Variants in SF3B3 observed in about 807,000 individuals in gnomAD.
SF3B3 encodes the protein splicing factor 3b subunit 3.
Under a neutral mutation model 139.2 loss-of-function variants are expected in SF3B3, and 33 were observed. That is an observed-to-expected ratio of 0.24 (90% confidence interval 0.18 to 0.32). The LOEUF (loss-of-function observed/expected upper bound fraction) is 0.32. Among genes scored for constraint, SF3B3 ranks in the 10% least tolerant of loss-of-function variants. SF3B3 has a pLI of 1.00. For missense variants in SF3B3, 818 were observed against 1,509.4 expected (o/e 0.54, Z 7.59); for synonymous variants, 596 against 563.6 (o/e 1.06, Z -0.81).
rs762717205 is a variant in SF3B3 at position 70,541,622 on chromosome 16, G to A, written c.1068-47G>A. 13 of 1,501,732 alleles carry A rather than the reference G, an allele frequency of 8.7e-6. No homozygotes were observed. In the South Asian group the frequency reaches 1.3e-4, roughly 15 times the overall value. The allele number at this position is 1,501,732 out of a possible 1,614,324, so 93.0% of individuals were successfully genotyped here. On this transcript the variant is annotated intron_variant, in intron 8 of 25. Transcript: ENST00000302516. ...ATGTTGATGCCAGACATTATCGTCA[G>A]GCAGAGAACTCGTTACCGAAAGTTT...
At chr16:70,554,274 G>C (rs1028495139) in intron 11 of SF3B3, 172 bp from the exon 12 acceptor site, 1 of 577,694 alleles carries the variant, frequency 1.7e-6, no homozygotes, top group Non-Finnish European at 3.1e-6. Flanking sequence ...CTGACCCCTA[G>C]TTTTCTTCTG....
intron 9 of SF3B3, among the ~76,000 whole-genome samples, chr16:70,542,588 G>A (rs538478712): frequency 1.8e-4 from 28 of 152,226 alleles, no homozygotes; most frequent in African/African-American, 6.0e-4. Flanking sequence ...ACTGGGTACT[G>A]GGGAAACAAG....
intron 18 of SF3B3, among the ~76,000 whole-genome samples, chr16:70,564,401 T>G (rs1173474610): frequency 6.6e-6 from 1 of 152,188 alleles, no homozygotes; most frequent in African/African-American, 2.4e-5. Flanking sequence ...TGTTAGTATA[T>G]TCTTTGTTTT....
chr16:70,552,984 C>T (rs896171004), intron 11 of SF3B3, among the ~76,000 whole-genome samples: 6 of 152,196 alleles, frequency 3.9e-5, no homozygotes, highest in Non-Finnish European at 1.5e-5. Flanking sequence ...GATCTCGGCT[C>T]ACTGCGGCCT....
chr16:70,538,036 C>T (rs1234957001), intron 6 of SF3B3: 1 of 601,184 alleles, frequency 1.7e-6, no homozygotes. Context: ...TAAAAAATTT[C>T]ATGTCTCTTC....
At chr16:70,538,489 G>T in intron 7 of SF3B3, 29 bp downstream of exon 7, 3 of 1,580,888 alleles carry the variant, frequency 1.9e-6, no homozygotes, top group Non-Finnish European at 2.6e-6. Flanking sequence ...GACCAGTATA[G>T]CTACTCTATG....
chr16:70,568,782 A>G (rs2050501182), intron 22 of SF3B3, among the ~76,000 whole-genome samples: 1 of 152,166 alleles, frequency 6.6e-6, no homozygotes. Flanking sequence ...GAACTTTGGA[A>G]TGTCTGTTAT....
chr16:70,525,559 G>A (rs2050053933), intron 1 of SF3B3, among the ~76,000 whole-genome samples: 1 of 152,172 alleles, frequency 6.6e-6, no homozygotes, highest in African/African-American at 2.4e-5. Flanking sequence ...GGATTCAGAA[G>A]CAGCTCCTAG....
In SF3B3 at chr16:70,568,498, G is replaced by A. The variant is rs1229019304; in HGVS notation, c.3165+3G>A. On this transcript the variant is annotated splice_donor_region_variant and intron_variant, in intron 22 of 25. Coordinates refer to ENST00000302516, the MANE Select transcript of SF3B3 (RefSeq NM_012426.5). The stretch of plus-strand genomic sequence containing the variant: ...ACAAGTTTGGCAACATATGTGTGGT[G>A]AGTTGATGTTGTTAACTTGGGTTAC... 3.1e-6 allele frequency: 5 copies of A among 1,611,014 alleles called. No individual in the cohort carries two copies. The highest frequency in any genetic ancestry group is 3.4e-6 in the Non-Finnish European group (4 of 1,177,940).
At chr16:70,561,042 A>T (rs751277529) in intron 16 of SF3B3, among the ~76,000 whole-genome samples, 16 of 151,252 alleles carry the variant, frequency 1.1e-4, no homozygotes, top group Non-Finnish European at 1.0e-4. Flanking sequence ...TTTTTTTGAG[A>T]TGGAGTCTCA....
At chr16:70,542,020 G>A (rs940664255) in intron 9 of SF3B3, among the ~76,000 whole-genome samples, 186 bp downstream of exon 9, 2 of 152,124 alleles carry the variant, frequency 1.3e-5, no homozygotes, top group African/African-American at 2.4e-5. Flanking sequence ...CAAAACTCAC[G>A]TTTAATGTAA....
At position 70,563,864 on chromosome 16, in the gene SF3B3, T is replaced by C. The variant is rs1406451028; in HGVS notation, c.2289-12T>C. ...GTGAGTATTAAATAACTGCCTTGCT[T>C]TTTTGTCATAGGATTTTGGCATTAG... is the stretch of plus-strand genomic sequence containing the variant. On this transcript the variant is annotated splice_polypyrimidine_tract_variant and intron_variant, in intron 17 of 25. Coordinates refer to ENST00000302516, the MANE Select transcript of SF3B3 (RefSeq NM_012426.5). The C allele has an allele frequency of 6.2e-7, 1 of 1,613,708 alleles. No individual in the cohort carries two copies. Among genetic ancestry groups the C allele is most frequent in the Admixed American group, 1.7e-5 (1 of 59,960 alleles).
rs559221501 is a variant in SF3B3, at chr16:70,549,565, G to A, written c.1402+1123G>A. ...CCTAGACTGTTTGAATTAGAAACAC[G>A]TTTTAAGATAACCTATTGTGTTCTT... is the stretch of plus-strand genomic sequence containing the variant. On this transcript the variant is annotated intron_variant, in intron 11 of 25. Coordinates refer to ENST00000302516, the MANE Select transcript of SF3B3 (RefSeq NM_012426.5). Among the ~76,000 whole-genome samples the A allele has an allele frequency of 5.3e-5, 8 of 152,266 alleles. No homozygotes were observed. In the South Asian group the frequency reaches 1.0e-3, roughly 20 times the overall value.
At chr16:70,539,778 A>AT (rs147076928) in intron 8 of SF3B3, among the ~76,000 whole-genome samples, 3,685 of 143,724 alleles carry the variant, frequency 0.026, 169 homozygotes, top group African/African-American at 0.088. Flanking sequence ...CATCAAATAA[A>AT]TTTTTTTTTT....
At chr16:70,524,742 G>A in intron 1 of SF3B3, 1 of 149,744 alleles carries the variant, frequency 6.7e-6, no homozygotes. Flanking sequence ...GTGCAGTGGC[G>A]CGATCTCTGC....
chr16:70,542,319 T>A (rs1188675017), intron 9 of SF3B3, among the ~76,000 whole-genome samples: 1 of 152,254 alleles, frequency 6.6e-6, no homozygotes, highest in Non-Finnish European at 1.5e-5. Flanking sequence ...ATAGCTGTAT[T>A]TATTTAATTT....
At position 70,540,786 on chromosome 16, in the gene SF3B3, C is replaced by T. The variant is rs1049533258; in HGVS notation, c.1068-883C>T. 5.9e-5 allele frequency among the ~76,000 whole-genome samples: 9 copies of T among 152,096 alleles called. 1 individual carries two copies. Among genetic ancestry groups the T allele is most frequent in the South Asian group, 4.2e-4 (2 of 4,818 alleles). On this transcript the variant is annotated intron_variant, in intron 8 of 25. Coordinates refer to ENST00000302516, the MANE Select transcript of SF3B3 (RefSeq NM_012426.5). ...GTTTTGGTAGCCTGTATCAGAGCTT[C>T]GTTCCTTTTTGTGGCGGAATAACTC... is the stretch of plus-strand genomic sequence containing the variant.
At chr16:70,544,571 A>G in intron 10 of SF3B3, 38 bp downstream of exon 10, 1 of 1,172,458 alleles carries the variant, frequency 8.5e-7, no homozygotes. Flanking sequence ...CAGGGTTTGG[A>G]GGGAAGCACT....
In SF3B3 at chr16:70,528,989, C is replaced by T. The variant is rs763211942; in HGVS notation, c.187C>T (p.Arg63Trp). 8 of 1,614,104 alleles carry T rather than the reference C, an allele frequency of 5.0e-6. No individual in the cohort carries two copies. Among genetic ancestry groups the T allele is most frequent in the Admixed American group, 1.7e-5 (1 of 60,018 alleles). The change falls in exon 3 of 26, where the codon CGG becomes TGG. Residue 63 changes from arginine to tryptophan, a missense_variant. By Grantham distance (101) the Arg-to-Trp change is moderately radical. This residue lies in a region of SF3B3 where 144 missense variants were observed against 259.2 expected (regional missense o/e 0.56). Transcript: ENST00000302516. ...CACTGTGGAAGTATTCGGTGTTATC[C>T]GGTCACTCATGGCCTTTAGGCTGAC... Reference protein sequence around the residue: ...LLTVEVFGVIRSLMAFRLTGG... With the variant: ...LLTVEVFGVIWSLMAFRLTGG...
Sources: gnomAD v4.1 joint callset for allele counts (sites outside exome capture counted in the v4.1 genomes callset) on GRCh38, gnomAD v4.1.1 for gene constraint, gnomAD v4.1.1 regional missense constraint, MANE v1.5 for transcripts, NCBI Gene and HGNC (gene_info 2026-07-23, HGNC 2026-07-21) for gene names.